The following SPECC1 variants were observed in gnomAD, a reference collection of about 807,000 sequenced individuals.
The protein encoded by SPECC1 is cytospin-B.
A neutral mutation model predicts 104.1 loss-of-function variants in SPECC1; 62 were observed. That is an observed-to-expected ratio of 0.60 (90% CI 0.49 to 0.74). The LOEUF is 0.74. Among genes scored for constraint, SPECC1 ranks in the 30% least tolerant of loss-of-function variants. SPECC1 has a pLI of 0.00. For missense variants in SPECC1, 1,306 were observed against 1,310.5 expected (o/e 1.00, Z 0.05); for synonymous variants, 513 against 501.6 (o/e 1.02, Z -0.30).
At chr17:20,280,647 G>C (rs995172830) in intron 12 of SPECC1, among the ~76,000 whole-genome samples, 1 of 152,230 alleles carries the variant, frequency 6.6e-6, no homozygotes, top group Non-Finnish European at 1.5e-5. Flanking sequence ...GTAGCCACAG[G>C]TGGCTGCTGA....
chr17:20,251,319 A>G (rs1018191860), intron 9 of SPECC1, among the ~76,000 whole-genome samples: 1 of 151,804 alleles, frequency 6.6e-6, no homozygotes, highest in African/African-American at 2.4e-5. Context: ...GGAAATTCTT[A>G]GAAAAGTAGG....
intron 2 of SPECC1, among the ~76,000 whole-genome samples, chr17:20,101,064 A>G (rs2047923438): frequency 6.6e-6 from 1 of 152,182 alleles, no homozygotes; most frequent in African/African-American, 2.4e-5. Context: ...CCAGTCTATC[A>G]TTGATGGATG....
rs150502839 is a variant in SPECC1 at position 20,116,127 on chromosome 17, G to A, written c.283+5565G>A. Among the ~76,000 whole-genome samples, 1,221 of 150,976 alleles carry A rather than the reference G, an allele frequency of 8.1e-3. 13 individuals are homozygous for A. Among genetic ancestry groups the A allele is most frequent in the African/African-American group, 0.028 (1,131 of 41,110 alleles). On this transcript the variant is annotated intron_variant, in intron 3 of 14. Transcript: ENST00000395527. ...TTTTGAGATGGAGTCTCGGTCTGTC[G>A]CCCAGGCTGGAGTGCAGTGGCGCGA...
chr17:20,130,131 G>A (rs988269001), intron 3 of SPECC1, among the ~76,000 whole-genome samples: 8 of 152,172 alleles, frequency 5.3e-5, no homozygotes, highest in African/African-American at 1.9e-4. Context: ...ATTTAAGTGT[G>A]TTATTCATTT....
At chr17:20,153,634 A>G (rs957765422) in intron 3 of SPECC1, among the ~76,000 whole-genome samples, 13 of 152,242 alleles carry the variant, frequency 8.5e-5, no homozygotes, top group African/African-American at 3.1e-4. Context: ...TGAGAGAGCC[A>G]TAGGAGTCCA....
At chr17:20,231,332 A>T (rs989363435) in intron 5 of SPECC1, among the ~76,000 whole-genome samples, 1 of 152,232 alleles carries the variant, frequency 6.6e-6, no homozygotes, top group Admixed American at 6.5e-5. Flanking sequence ...TACAAATCAC[A>T]GGAGGAATAA....
intron 3 of SPECC1, among the ~76,000 whole-genome samples, chr17:20,160,689 C>T (rs1417036593): frequency 1.3e-5 from 2 of 152,100 alleles, no homozygotes; most frequent in Non-Finnish European, 2.9e-5. Context: ...CCTCTACCCA[C>T]CCATTAGTCT....
At chr17:20,189,292 A>T (rs930313764) in intron 3 of SPECC1, among the ~76,000 whole-genome samples, 1 of 152,280 alleles carries the variant, frequency 6.6e-6, no homozygotes, top group South Asian at 2.1e-4. Flanking sequence ...CTCTCTAGTT[A>T]GGCAATGAGG....
chr17:20,158,272 TAGC>T (rs1243048307), intron 3 of SPECC1, among the ~76,000 whole-genome samples: 1 of 152,158 alleles, frequency 6.6e-6, no homozygotes, highest in Admixed American at 6.5e-5. Flanking sequence ...GGATGAGTGA[TAGC>T]AGCACACAAG....
intron 3 of SPECC1, among the ~76,000 whole-genome samples, chr17:20,121,554 C>T (rs1284593931): frequency 6.6e-6 from 1 of 152,164 alleles, no homozygotes; most frequent in Non-Finnish European, 1.5e-5. Flanking sequence ...CCAGGCTGGT[C>T]TTGAACTCCT....
chr17:20,196,449 G>T (rs2036040911), intron 3 of SPECC1, among the ~76,000 whole-genome samples: 1 of 152,022 alleles, frequency 6.6e-6, no homozygotes, highest in Admixed American at 6.6e-5. Flanking sequence ...ACTTAAGCAG[G>T]CAAGTTATAC....
intron 1 of SPECC1, among the ~76,000 whole-genome samples, chr17:20,078,568 A>C (rs1056838219): frequency 6.6e-6 from 1 of 152,326 alleles, no homozygotes; most frequent in African/African-American, 2.4e-5. Context: ...GGGAACTGGC[A>C]ATCATAACCA....
intron 3 of SPECC1, among the ~76,000 whole-genome samples, chr17:20,127,213 G>A (rs2049354561): frequency 6.6e-6 from 1 of 152,126 alleles, no homozygotes; most frequent in African/African-American, 2.4e-5. Flanking sequence ...AATGCAAATT[G>A]CAGATTTTTT....
intron 3 of SPECC1, among the ~76,000 whole-genome samples, chr17:20,201,189 G>A (rs1029884660): frequency 6.6e-6 from 1 of 151,960 alleles, no homozygotes; most frequent in Non-Finnish European, 1.5e-5. Flanking sequence ...GGCTGGGCAC[G>A]GTGGCTCACG....
chr17:20,314,081 G>A lies in SPECC1; in HGVS notation c.*16G>A. 1 of 1,611,270 alleles carries A rather than the reference G, an allele frequency of 6.2e-7. No homozygotes were observed. The highest frequency in any genetic ancestry group is 1.1e-5 in the South Asian group (1 of 90,704). On this transcript the variant is annotated 3_prime_UTR_variant, in exon 15 of 15. Coordinates refer to ENST00000395527, the MANE Select transcript of SPECC1 (RefSeq NM_001243439.2). Reference sequence around the variant, plus strand: ...TGAGACGTAACCCTGGAGGGCCTGGGGCAGCCACCATTGCCACCTACTGCA... The same window carrying A: ...TGAGACGTAACCCTGGAGGGCCTGGAGCAGCCACCATTGCCACCTACTGCA...
chr17:20,307,471 A>G (rs1764040719), intron 14 of SPECC1, among the ~76,000 whole-genome samples: 2 of 152,184 alleles, frequency 1.3e-5, no homozygotes, highest in Non-Finnish European at 2.9e-5. Flanking sequence ...AGTGCCTCCT[A>G]TCTTTCCCTT....
chr17:20,239,184 G>A (rs1410475984), intron 7 of SPECC1: 1 of 1,023,300 alleles, frequency 9.8e-7, no homozygotes, highest in African/African-American at 1.7e-5. Flanking sequence ...GATGTGTTTT[G>A]TTGACATTTA....
chr17:20,117,332 G>A (rs1426225924), intron 3 of SPECC1, among the ~76,000 whole-genome samples: 5 of 152,058 alleles, frequency 3.3e-5, no homozygotes. Context: ...TCTTGGCCTT[G>A]GAAGAACCTT....
At chr17:20,224,071 C>T (rs1413418099) in intron 4 of SPECC1, among the ~76,000 whole-genome samples, 1 of 152,156 alleles carries the variant, frequency 6.6e-6, no homozygotes. Flanking sequence ...ACCACAAGCC[C>T]AGTAATGCTG....
Sources: allele counts gnomAD v4.1 joint callset (sites outside exome capture counted in the v4.1 genomes callset), GRCh38; gene constraint gnomAD v4.1.1; transcripts MANE v1.5; gene names NCBI Gene and HGNC (gene_info 2026-07-23, HGNC 2026-07-21).